Variants in SLC8B1 observed in about 807,000 individuals in gnomAD.
SLC8B1 encodes solute carrier family 8 member B1, also known as mitochondrial sodium/calcium exchanger protein.
Under a neutral mutation model 63.4 loss-of-function variants are expected in SLC8B1, and 52 were observed. The observed-to-expected ratio is 0.82, with a 90% confidence interval of 0.66 to 1.03. The LOEUF (loss-of-function observed/expected upper bound fraction) is 1.03, where lower values mean the gene tolerates loss of function less well. SLC8B1 is among the 50% of genes least tolerant of loss of function. SLC8B1 has a pLI of 0.00. For missense variants in SLC8B1, 657 were observed against 741.7 expected (o/e 0.89, Z 1.33); for synonymous variants, 336 against 323.9 (o/e 1.04, Z -0.40).
chr12:113,310,765 T>TGAGAGGTACCAA (rs1391673119), intron 11 of SLC8B1, among the ~76,000 whole-genome samples: 1 of 152,158 alleles, frequency 6.6e-6, no homozygotes, highest in Non-Finnish European at 1.5e-5. Flanking sequence ...GCCTCTTCAC[T>TGAGAGGTACCAA]GAGAGGTACC....
chr12:113,317,124 G>T, intron 8 of SLC8B1, 123 bp from the exon 9 acceptor site: 1 of 850,410 alleles, frequency 1.2e-6, no homozygotes, highest in Non-Finnish European at 1.9e-6. Flanking sequence ...ATTTGGGACA[G>T]GATCTTTCTC....
intron 2 of SLC8B1, among the ~76,000 whole-genome samples, chr12:113,322,720 C>T (rs1046159432): frequency 1.3e-5 from 2 of 151,876 alleles, no homozygotes; most frequent in African/African-American, 4.8e-5. Context: ...GCCAAGGCTG[C>T]AGGATCACTT....
intron 10 of SLC8B1, 48 bp from the exon 11 acceptor site, chr12:113,315,524 C>A: frequency 6.7e-7 from 1 of 1,495,544 alleles, no homozygotes; most frequent in South Asian, 1.3e-5. Context: ...AAGTCTGAAT[C>A]CCAGCCGGCC....
chr12:113,303,797 C>T (rs1402702597), intron 15 of SLC8B1, among the ~76,000 whole-genome samples: 4 of 151,960 alleles, frequency 2.6e-5, no homozygotes, highest in African/African-American at 4.8e-5. Flanking sequence ...CCTTCCGCTG[C>T]GTGCTTATCC....
intron 1 of SLC8B1, among the ~76,000 whole-genome samples, chr12:113,333,417 C>T (rs1957084376): frequency 6.6e-6 from 1 of 152,216 alleles, no homozygotes; most frequent in African/African-American, 2.4e-5. Flanking sequence ...GAGAGGCTTG[C>T]CCACCACATT....
At chr12:113,301,357 A>G (rs1956585423) in intron 15 of SLC8B1, among the ~76,000 whole-genome samples, 1 of 125,350 alleles carries the variant, frequency 8.0e-6, no homozygotes, top group Non-Finnish European at 1.6e-5. Flanking sequence ...TTTTTTTGAC[A>G]TGGAGTCTCA....
chr12:113,321,137 A>C, intron 3 of SLC8B1, 29 bp from the exon 4 acceptor site: 1 of 1,613,920 alleles, frequency 6.2e-7, no homozygotes, highest in Non-Finnish European at 8.5e-7. Context: ...AGGAAGGGAG[A>C]GTCAAGTCCA....
At chr12:113,307,881 G>T in intron 12 of SLC8B1, 37 bp from the exon 13 acceptor site, 1 of 1,600,710 alleles carries the variant, frequency 6.2e-7, no homozygotes. Flanking sequence ...ACCAAGGCCA[G>T]CCCCAACAGG....
intron 14 of SLC8B1, among the ~76,000 whole-genome samples, chr12:113,306,066 C>CAAA (rs60824560): frequency 0.014 from 247 of 18,092 alleles, 30 homozygotes; most frequent in African/African-American, 0.031. Context: ...CCCCACCCTG[C>CAAA]AAAAAAAAAA....
In SLC8B1 at chr12:113,316,511, C is replaced by T; in HGVS notation, c.993+15G>A. On this transcript the variant is annotated intron_variant, in intron 10 of 15. Coordinates refer to ENST00000680972, the MANE Select transcript of SLC8B1 (RefSeq NM_001358345.2). ...CTGTCAGAAGGCTGTGAGCCTGGCT[C>T]CAGGACCCTCCTACCTTGAACACCT... The T allele has an allele frequency of 6.2e-7, 1 of 1,612,392 alleles. No individual in the cohort carries two copies. The highest frequency in any genetic ancestry group is 8.5e-7 in the Non-Finnish European group (1 of 1,179,012).
chr12:113,310,537 G>C (rs903023011), intron 11 of SLC8B1, among the ~76,000 whole-genome samples, 182 bp from the exon 12 acceptor site: 2 of 152,158 alleles, frequency 1.3e-5, no homozygotes, highest in African/African-American at 4.8e-5. Context: ...GAAAGAAAAA[G>C]AGAGACACAC....
At chr12:113,301,333 C>CTTTT (rs61095726) in intron 15 of SLC8B1, among the ~76,000 whole-genome samples, 9 of 107,594 alleles carry the variant, frequency 8.4e-5, no homozygotes, top group Admixed American at 9.6e-5. Flanking sequence ...CTTTATAAGG[C>CTTTT]TTTTTTTTTT....
At chr12:113,331,885 C>T (rs1957059686) in intron 2 of SLC8B1, among the ~76,000 whole-genome samples, 1 of 152,132 alleles carries the variant, frequency 6.6e-6, no homozygotes, top group Non-Finnish European at 1.5e-5. Flanking sequence ...CAAAACAATT[C>T]TCACCTCCTA....
chr12:113,310,436 G>T lies in SLC8B1; in HGVS notation c.1136-81C>A, dbSNP rs1163703307. Reference sequence around the variant, plus strand: ...CAATGGACTATTTGGATGTCAGGTAGACACTTCCTATCTGCCCAGCCCTGT... The same window carrying T: ...CAATGGACTATTTGGATGTCAGGTATACACTTCCTATCTGCCCAGCCCTGT... On this transcript the variant is annotated intron_variant, in intron 11 of 15. Coordinates refer to ENST00000680972, the MANE Select transcript of SLC8B1 (RefSeq NM_001358345.2). 22 of 1,537,118 alleles carry T rather than the reference G, an allele frequency of 1.4e-5. No homozygotes were observed. The Admixed American group carries it at 4.5e-4, about 31-fold the overall frequency.
At chr12:113,321,465 C>T (rs1317223450) in intron 2 of SLC8B1, 117 bp from the exon 3 acceptor site, 1 of 1,353,838 alleles carries the variant, frequency 7.4e-7, no homozygotes, top group Non-Finnish European at 1.0e-6. Context: ...GGCCACCATA[C>T]CCTCTGGGTG....
chr12:113,321,845 A>G (rs1199615884), intron 2 of SLC8B1, among the ~76,000 whole-genome samples: 1 of 151,932 alleles, frequency 6.6e-6, no homozygotes, highest in Non-Finnish European at 1.5e-5. Context: ...AGTGATTTCT[A>G]TATGCAAAGC....
chr12:113,325,854 C>T (rs578186693), intron 2 of SLC8B1, among the ~76,000 whole-genome samples: 2 of 152,292 alleles, frequency 1.3e-5, no homozygotes, highest in Admixed American at 6.5e-5. Context: ...TGAGCCACCG[C>T]GCCCAGCCCT....
rs1385967881 is a variant in SLC8B1 at position 113,320,148 on chromosome 12, T to A, written c.694+183A>T. ...CCCCAGCCCCCAGCTCTGCCAGGCC[T>A]CTTTGGTTATGTGACCCACATGTTC... On this transcript the variant is annotated intron_variant, in intron 7 of 15. Transcript: ENST00000680972. The surrounding 1 kb of genome is among the most constrained non-coding windows in gnomAD (Gnocchi z 5.3). The A allele has an allele frequency of 2.8e-6, 2 of 707,830 alleles. No individual in the cohort carries two copies. The highest frequency in any genetic ancestry group is 4.6e-6 in the Non-Finnish European group (2 of 435,030). The allele number at this position is 707,830 out of a possible 1,614,324, so 43.8% of individuals were successfully genotyped here. A position where few individuals can be genotyped will look rare whatever the true frequency, so the allele number is the denominator to read the frequency against.
Position 113,299,917 on chromosome 12 carries a change from C to T in SLC8B1, c.1615G>A (p.Val539Ile), listed in dbSNP as rs771670433. The T allele has an allele frequency of 3.2e-5, 52 of 1,614,030 alleles. No individual in the cohort carries two copies. Among genetic ancestry groups the T allele is most frequent in the East Asian group, 2.2e-5 (1 of 44,902 alleles). ...VLAGALGLSL[V>I]FSLVSVPLQC... The stretch of plus-strand genomic sequence containing the variant: ...AATGGGACTGAGACCAGGGAGAAGA[C>T]GAGGCTGAGCCCCAGGGCGCCTGCC... The change falls in exon 16 of 16, where the codon GTC (valine) becomes ATC (isoleucine). Residue 539 changes from valine (V) to isoleucine (I), a missense_variant. Coordinates refer to ENST00000680972, the MANE Select transcript of SLC8B1 (RefSeq NM_001358345.2).
Sources: allele counts gnomAD v4.1 joint callset (sites outside exome capture counted in the v4.1 genomes callset), GRCh38; gene constraint gnomAD v4.1.1; non-coding constraint Gnocchi (gnomAD v3.1); transcripts MANE v1.5; gene names NCBI Gene and HGNC (gene_info 2026-07-23, HGNC 2026-07-21).